Variants in OLFM4 observed in about 807,000 individuals in gnomAD.
OLFM4 encodes olfactomedin 4.
A neutral mutation model predicts 25.5 loss-of-function variants in OLFM4; 22 were observed. That is an observed-to-expected ratio of 0.86 (90% confidence interval 0.62 to 1.23). The LOEUF is 1.23. OLFM4 is among the 50% of genes most tolerant of loss of function. The pLI is 0.00. For synonymous variants in OLFM4, 255 were observed against 237.7 expected (o/e 1.07, Z -0.67); for missense variants, 594 against 619.4 (o/e 0.96, Z 0.44).
intron 2 of OLFM4, among the ~76,000 whole-genome samples, chr13:53,034,820 G>A (rs1002597622): frequency 2.0e-5 from 3 of 152,128 alleles, no homozygotes; most frequent in Admixed American, 2.0e-4. Context: ...TTGTTTTGAC[G>A]CTGCTTCTTC....
In OLFM4 at chr13:53,032,323, T is replaced by C. The variant is rs570552782; in HGVS notation, c.205-2025T>C. Among the ~76,000 whole-genome samples the C allele has an allele frequency of 1.7e-3, 256 of 151,554 alleles. 1 individual carries two copies. Among genetic ancestry groups the C allele is most frequent in the African/African-American group, 5.9e-3 (247 of 41,552 alleles). On this transcript the variant is annotated intron_variant, in intron 1 of 4. Transcript: ENST00000219022. ...GTTTGTGCAGCTAATTAAACTCCCC[T>C]TGTTAAAATGCAATGCAAGATTTTT...
In OLFM4 at chr13:53,034,070, A is replaced by G. The variant is rs551006093; in HGVS notation, c.205-278A>G. ...AGACTCCGTCTCAAAAAAAAAAAAA[A>G]AAAAAAAAAAAGCCTCGAGAATGGG... On this transcript the variant is annotated intron_variant, in intron 1 of 4. Transcript: ENST00000219022. 9.8e-5 allele frequency among the ~76,000 whole-genome samples: 14 copies of G among 143,572 alleles called. 1 individual carries two copies. The highest frequency in any genetic ancestry group is 6.9e-4 in the South Asian group (3 of 4,336). 94.2% of individuals were successfully genotyped at this position (143,572 alleles called of 152,430 possible).
intron 1 of OLFM4, among the ~76,000 whole-genome samples, chr13:53,029,878 G>A (rs1260149369): frequency 6.6e-6 from 1 of 152,214 alleles, no homozygotes; most frequent in Non-Finnish European, 1.5e-5. Flanking sequence ...TTTAAAGAAA[G>A]GAGAATGGGC....
intron 1 of OLFM4, among the ~76,000 whole-genome samples, chr13:53,031,852 A>G (rs761485173): frequency 8.5e-5 from 13 of 152,206 alleles, no homozygotes; most frequent in Non-Finnish European, 1.9e-4. Flanking sequence ...GGAATCGCAT[A>G]TTCTTCCAAA....
In OLFM4 at chr13:53,050,655, A is replaced by C. The variant is rs752406330; in HGVS notation, c.1417A>C (p.Lys473Gln). 1.2e-6 allele frequency: 2 copies of C among 1,614,010 alleles called. No individual in the cohort carries two copies. The highest frequency in any genetic ancestry group is 1.7e-6 in the Non-Finnish European group (2 of 1,179,940). The change falls in exon 5 of 5, where the codon AAG (lysine) becomes CAG (glutamine). Residue 473 changes from lysine to glutamine, a missense_variant. Transcript: ENST00000219022. ...KEGKLDIVMH[K>Q]MQEKVQSINY... ...GGGCAAACTAGACATTGTAATGCAT[A>C]AGATGCAGGAAAAAGTGCAGAGCAT...
intron 4 of OLFM4, 105 bp from the exon 5 acceptor site, chr13:53,049,864 C>T: frequency 2.4e-6 from 3 of 1,248,388 alleles, no homozygotes; most frequent in Non-Finnish European, 3.3e-6. Flanking sequence ...TGAACCTTGA[C>T]AGGAAAAATA....
rs201233926 is a variant in OLFM4 at position 53,050,534 on chromosome 13, C to T, written c.1296C>T (p.Asn432=). The change falls in exon 5 of 5, where the codon AAC becomes AAT. Residue 432 remains asparagine, a synonymous_variant. Transcript: ENST00000219022. Reference sequence around the variant, plus strand: ...AGCAGTATAAACCATCTGCTTCTAACGCCTTCATGGTATGTGGGGTTCTGT... The same window carrying T: ...AGCAGTATAAACCATCTGCTTCTAATGCCTTCATGGTATGTGGGGTTCTGT... ...YTKQYKPSAS[N]AFMVCGVLYA... 13 of 1,613,866 alleles carry T rather than the reference C, an allele frequency of 8.1e-6. No homozygotes were observed. Among genetic ancestry groups the T allele is most frequent in the Non-Finnish European group, 9.3e-6 (11 of 1,179,944 alleles).
At position 53,034,307 on chromosome 13, in the gene OLFM4, T is replaced by C. The variant is rs775956674; in HGVS notation, c.205-41T>C. On this transcript the variant is annotated intron_variant, in intron 1 of 4. Transcript: ENST00000219022. ...TCACTCCAGTTGCCAAAAGCTCAGA[T>C]TCCAGCTTGTTATTGATGTTCAACT... 2.3e-5 allele frequency: 37 copies of C among 1,600,162 alleles called. No individual in the cohort carries two copies. The African/African-American group carries it at 3.8e-4, about 16-fold the overall frequency.
chr13:53,035,121 A>C (rs1593478213), intron 2 of OLFM4, among the ~76,000 whole-genome samples: 5 of 138,594 alleles, frequency 3.6e-5, no homozygotes, highest in Admixed American at 7.3e-5. Context: ...CTCCACTTCC[A>C]CTCCTTCAAA....
intron 2 of OLFM4, among the ~76,000 whole-genome samples, chr13:53,039,886 C>T (rs946414761): frequency 1.3e-5 from 2 of 152,080 alleles, no homozygotes; most frequent in African/African-American, 4.8e-5. Flanking sequence ...TGCCTGAAGC[C>T]CTAGCCCTTC....
intron 2 of OLFM4, among the ~76,000 whole-genome samples, chr13:53,035,023 T>C (rs932131433): frequency 1.3e-5 from 2 of 152,040 alleles, no homozygotes; most frequent in Non-Finnish European, 2.9e-5. Context: ...TCTCTTTTCC[T>C]TTCCTGGTTA....
chr13:53,029,075 C>A, intron 1 of OLFM4, 35 bp downstream of exon 1: 1 of 1,608,956 alleles, frequency 6.2e-7, no homozygotes. Flanking sequence ...GAGCTGCATT[C>A]ATTCCCTTCC....
rs1395498477 is a variant in OLFM4 at position 53,034,384 on chromosome 13, G to A, written c.241G>A (p.Gly81Arg). The A allele has an allele frequency of 1.9e-6, 3 of 1,613,876 alleles. No individual in the cohort carries two copies. The highest frequency in any genetic ancestry group is 2.5e-6 in the Non-Finnish European group (3 of 1,179,980). ...SNFTGSVDDR[G>R]TCQCSVSLPD... ...TTTCACCGGCTCCGTGGATGACCGTGGGACCTGCCAGTGCTCTGTTTCCCT... is the reference window on the plus strand; with the variant it reads ...TTTCACCGGCTCCGTGGATGACCGTAGGACCTGCCAGTGCTCTGTTTCCCT... The change falls in exon 2 of 5, where the codon GGG (glycine) becomes AGG (arginine). Residue 81 changes from glycine to arginine, a missense_variant. Transcript: ENST00000219022.
intron 4 of OLFM4, among the ~76,000 whole-genome samples, chr13:53,044,046 G>T (rs768816882): frequency 2.0e-5 from 3 of 152,156 alleles, no homozygotes; most frequent in Non-Finnish European, 4.4e-5. Flanking sequence ...CAGCAAAAAG[G>T]ATCCTTAATA....
rs1954751392 is a variant in OLFM4, at chr13:53,051,960, T to C, written c.*1189T>C. 4 of 148,652 alleles carry C rather than the reference T, an allele frequency of 2.7e-5. No individual in the cohort carries two copies. Among genetic ancestry groups the C allele is most frequent in the Admixed American group, 2.6e-4 (4 of 15,148 alleles). 9.2% of individuals were successfully genotyped at this position (148,652 alleles called of 1,614,324 possible). On this transcript the variant is annotated 3_prime_UTR_variant, in exon 5 of 5. Coordinates refer to ENST00000219022, the MANE Select transcript of OLFM4 (RefSeq NM_006418.5). Reference sequence around the variant, plus strand: ...GACTTTATCATCTAGTCTTTGTCTATTTTTCCTTTGATGTTCAAGTCCTAG... The same window carrying C: ...GACTTTATCATCTAGTCTTTGTCTACTTTTCCTTTGATGTTCAAGTCCTAG...
chr13:53,035,522 C>A (rs546523273), intron 2 of OLFM4, among the ~76,000 whole-genome samples: 7 of 152,272 alleles, frequency 4.6e-5, no homozygotes, highest in Non-Finnish European at 8.8e-5. Context: ...ACTATAGTCA[C>A]CCTGTTGTGC....
At chr13:53,049,072 G>A (rs1051822008) in intron 4 of OLFM4, among the ~76,000 whole-genome samples, 1 of 152,102 alleles carries the variant, frequency 6.6e-6, no homozygotes, top group Non-Finnish European at 1.5e-5. Flanking sequence ...TAGATTCAGT[G>A]GACCAGTGAA....
In OLFM4 at chr13:53,042,056, A is replaced by C. The variant is rs1593480632; in HGVS notation, c.504A>C (p.Lys168Asn). ...AGGTAGAAGTGAAGGAGATGGAAAA[A>C]CTGGTCATACAGCTGAAGGAGAGTT... ...LIKVEVKEMEKLVIQLKESFG... is the reference protein window; with the variant it reads ...LIKVEVKEMENLVIQLKESFG... Residue 168 changes from lysine (K) to asparagine (N), a missense_variant, in exon 3 of 5, where the codon AAA becomes AAC. By Grantham distance (94) the Lys-to-Asn change is moderately conservative (BLOSUM62 0). Transcript: ENST00000219022. The C allele has an allele frequency of 6.2e-7, 1 of 1,613,922 alleles. No homozygotes were observed. Among genetic ancestry groups the C allele is most frequent in the Non-Finnish European group, 8.5e-7 (1 of 1,179,962 alleles).
chr13:53,046,707 G>A lies in OLFM4; in HGVS notation c.731-3262G>A, dbSNP rs542576585. ...ACATCTAAACCTCCAGTTGTAACATGATGTGATTATATTGAGATATTTACC... is the reference window on the plus strand; with the variant it reads ...ACATCTAAACCTCCAGTTGTAACATAATGTGATTATATTGAGATATTTACC... On this transcript the variant is annotated intron_variant, in intron 4 of 4. Coordinates refer to ENST00000219022, the MANE Select transcript of OLFM4 (RefSeq NM_006418.5). Among the ~76,000 whole-genome samples, 290 of 152,254 alleles carry A rather than the reference G, an allele frequency of 1.9e-3. 2 individuals are homozygous for A. Among genetic ancestry groups the A allele is most frequent in the African/African-American group, 6.7e-3 (280 of 41,542 alleles).
Sources: gnomAD v4.1 joint callset for allele counts (sites outside exome capture counted in the v4.1 genomes callset) on GRCh38, gnomAD v4.1.1 for gene constraint, MANE v1.5 for transcripts, NCBI Gene and HGNC (gene_info 2026-07-23, HGNC 2026-07-21) for gene names.